The following PDGFD variants were observed in gnomAD, a reference collection of about 807,000 sequenced individuals.
The protein encoded by PDGFD is platelet derived growth factor D, also known as platelet-derived growth factor D.
A neutral mutation model predicts 44.7 loss-of-function variants in PDGFD; 30 were observed. That is an observed-to-expected ratio of 0.67 (90% CI 0.50 to 0.91). The LOEUF is 0.91. Ranked by LOEUF, PDGFD falls within the 40% of genes least tolerant of loss-of-function variation. The probability of loss-of-function intolerance (pLI) is 0.00; values close to 1 mark genes in which losing one functional copy is unlikely to be tolerated. For missense variants in PDGFD, 445 were observed against 457.8 expected, an observed-to-expected ratio of 0.97 and a Z score of 0.25; for synonymous variants, 173 against 168.4, an observed-to-expected ratio of 1.03 and a Z score of -0.21.
intron 6 of PDGFD, among the ~76,000 whole-genome samples, chr11:103,917,791 T>C (rs914503560): frequency 6.6e-6 from 1 of 152,180 alleles, no homozygotes; most frequent in Non-Finnish European, 1.5e-5. Flanking sequence ...CTCTCTAACA[T>C]GCCTTCAATT....
At chr11:104,019,115 A>ACTC (rs1242657174) in intron 1 of PDGFD, among the ~76,000 whole-genome samples, 1 of 151,526 alleles carries the variant, frequency 6.6e-6, no homozygotes, top group Non-Finnish European at 1.5e-5. Context: ...AAAAACACAC[A>ACTC]CTCCACTTTG....
At chr11:104,059,490 T>C (rs1444795260) in intron 1 of PDGFD, among the ~76,000 whole-genome samples, 7 of 152,198 alleles carry the variant, frequency 4.6e-5, no homozygotes, top group Non-Finnish European at 8.8e-5. Context: ...GTGAACATTT[T>C]CCATAAATAT....
chr11:104,151,833 G>A (rs769590711), intron 1 of PDGFD, among the ~76,000 whole-genome samples: 5 of 151,880 alleles, frequency 3.3e-5, no homozygotes, highest in Non-Finnish European at 5.9e-5. Flanking sequence ...ACAGCAACTC[G>A]ACCAATACAG....
At chr11:104,139,103 T>C (rs1862048840) in intron 1 of PDGFD, among the ~76,000 whole-genome samples, 1 of 152,106 alleles carries the variant, frequency 6.6e-6, no homozygotes, top group South Asian at 2.1e-4. Context: ...CTTTGAATTT[T>C]TTCAGAGTCC....
chr11:104,144,045 C>T (rs1413556884), intron 1 of PDGFD, among the ~76,000 whole-genome samples: 1 of 152,102 alleles, frequency 6.6e-6, no homozygotes, highest in African/African-American at 2.4e-5. Context: ...CAGCAGATTG[C>T]TAAAAAGTCA....
chr11:104,151,854 A>T (rs925291091), intron 1 of PDGFD, among the ~76,000 whole-genome samples: 1 of 152,042 alleles, frequency 6.6e-6, no homozygotes, highest in Non-Finnish European at 1.5e-5. Context: ...ATTTTTTTCT[A>T]TTGAACCAAA....
intron 1 of PDGFD, among the ~76,000 whole-genome samples, chr11:104,105,996 CAT>C (rs1258234861): frequency 3.3e-5 from 5 of 151,926 alleles, no homozygotes; most frequent in African/African-American, 4.8e-5. Flanking sequence ...TCCAAATAAG[CAT>C]AGTGTTTACA....
chr11:104,152,297 C>A (rs1032111036), intron 1 of PDGFD, among the ~76,000 whole-genome samples: 2 of 152,136 alleles, frequency 1.3e-5, no homozygotes, highest in Admixed American at 6.5e-5. Flanking sequence ...CAAATGTTTA[C>A]AAATCCTTTA....
At chr11:104,159,304 A>C (rs530139270) in intron 1 of PDGFD, among the ~76,000 whole-genome samples, 1 of 152,326 alleles carries the variant, frequency 6.6e-6, no homozygotes, top group East Asian at 1.9e-4. Context: ...AGTCATCTTA[A>C]TCCTTTTAGA....
Position 103,908,917 on chromosome 11 carries a change from T to C in PDGFD, c.*777A>G, listed in dbSNP as rs1046147971. 2.6e-5 allele frequency: 4 copies of C among 152,214 alleles called. No homozygotes were observed. The highest frequency in any genetic ancestry group is 5.9e-5 in the Non-Finnish European group (4 of 68,036). The allele number at this position is 152,214 out of a possible 1,614,324, so 9.4% of individuals were successfully genotyped here. On this transcript the variant is annotated 3_prime_UTR_variant, in exon 7 of 7. Coordinates refer to ENST00000393158, the MANE Select transcript of PDGFD (RefSeq NM_025208.5). ...GTTACAGCTTATACATTGTCTTTTG[T>C]AGGACTATAATAAAAAACCTTCTAA...
chr11:104,100,766 T>C (rs1423614512), intron 1 of PDGFD, among the ~76,000 whole-genome samples: 1 of 152,150 alleles, frequency 6.6e-6, no homozygotes, highest in African/African-American at 2.4e-5. Flanking sequence ...TCAAGTGGGC[T>C]TCATCCCTGG....
chr11:104,087,021 CTTTTT>C (rs528848924), intron 1 of PDGFD, among the ~76,000 whole-genome samples: 46 of 103,206 alleles, frequency 4.5e-4, no homozygotes, highest in African/African-American at 1.2e-3. Flanking sequence ...GGCTCTTAGT[CTTTTT>C]TTTTTTTTTT....
Position 103,961,700 on chromosome 11 carries a change from C to T in PDGFD, c.511-13976G>A, listed in dbSNP as rs1350601706. ...TTTGTTCAACAGGTATTTATGGCTTCCACTACTACTGACTACACAGTTCAA... is the reference window on the plus strand; with the variant it reads ...TTTGTTCAACAGGTATTTATGGCTTTCACTACTACTGACTACACAGTTCAA... On this transcript the variant is annotated intron_variant, in intron 3 of 6. Coordinates refer to ENST00000393158, the MANE Select transcript of PDGFD (RefSeq NM_025208.5). Among the ~76,000 whole-genome samples, 3 of 152,118 alleles carry T rather than the reference C, an allele frequency of 2.0e-5. 1 individual carries two copies. The highest frequency in any genetic ancestry group is 6.3e-3 in the Middle Eastern group (2 of 316).
At chr11:103,919,663 C>A (rs1858180972) in intron 6 of PDGFD, among the ~76,000 whole-genome samples, 1 of 151,812 alleles carries the variant, frequency 6.6e-6, no homozygotes, top group Non-Finnish European at 1.5e-5. Context: ...CACGTGCCAC[C>A]ACGCCTGGCT....
chr11:103,943,709 A>C (rs972065609), intron 4 of PDGFD, 59 bp from the exon 5 acceptor site: 2 of 1,417,222 alleles, frequency 1.4e-6, no homozygotes, highest in Non-Finnish European at 2.0e-6. Context: ...GAAATACAAC[A>C]GTCATTCAAC....
chr11:104,121,787 A>G (rs1861781899), intron 1 of PDGFD, among the ~76,000 whole-genome samples: 1 of 152,064 alleles, frequency 6.6e-6, no homozygotes, highest in Non-Finnish European at 1.5e-5. Flanking sequence ...TGGATGAGAA[A>G]CGTGAGACTC....
intron 1 of PDGFD, among the ~76,000 whole-genome samples, chr11:104,060,902 TATTA>T (rs745697784): frequency 6.6e-6 from 1 of 152,184 alleles, no homozygotes; most frequent in Non-Finnish European, 1.5e-5. Flanking sequence ...AACTCAGTGG[TATTA>T]ATTACATTTA....
intron 3 of PDGFD, among the ~76,000 whole-genome samples, chr11:103,992,246 A>G (rs1026365431): frequency 2.0e-5 from 3 of 152,208 alleles, no homozygotes; most frequent in African/African-American, 4.8e-5. Flanking sequence ...AGAAAGGGTC[A>G]TTTCAACAAA....
At chr11:103,948,923 C>T (rs1033330505) in intron 3 of PDGFD, among the ~76,000 whole-genome samples, 34 of 149,596 alleles carry the variant, frequency 2.3e-4, no homozygotes, top group African/African-American at 6.5e-4. Flanking sequence ...CAACAAACCA[C>T]CATGTATCCC....
Sources: gnomAD v4.1 joint callset for allele counts (sites outside exome capture counted in the v4.1 genomes callset) on GRCh38, gnomAD v4.1.1 for gene constraint, MANE v1.5 for transcripts, NCBI Gene and HGNC (gene_info 2026-07-23, HGNC 2026-07-21) for gene names.